PDS5B: variants seen among roughly 807,000 people sequenced by gnomAD.
PDS5B encodes the protein sister chromatid cohesion protein PDS5 homolog B.
Under a neutral mutation model 184.1 loss-of-function variants are expected in PDS5B, and 51 were observed. That is an observed-to-expected ratio of 0.28 (90% CI 0.22 to 0.35). The LOEUF (loss-of-function observed/expected upper bound fraction) is 0.35. Ranked by LOEUF, PDS5B falls within the 10% of genes least tolerant of loss-of-function variation. PDS5B has a pLI of 1.00. For synonymous variants in PDS5B, 566 were observed against 569.2 expected, an observed-to-expected ratio of 0.99 and a Z score of 0.08; for missense variants, 1,180 against 1,723.3, an observed-to-expected ratio of 0.68 and a Z score of 5.58.
intron 1 of PDS5B, among the ~76,000 whole-genome samples, chr13:32,638,171 A>T (rs2058594391): frequency 6.6e-6 from 1 of 152,212 alleles, no homozygotes; most frequent in Non-Finnish European, 1.5e-5. Context: ...CCATAGCAGA[A>T]TTCCAAGAGC....
intron 1 of PDS5B, among the ~76,000 whole-genome samples, chr13:32,602,907 TG>T: frequency 6.6e-6 from 1 of 152,366 alleles, no homozygotes; most frequent in South Asian, 2.1e-4. Flanking sequence ...GAGAAGTGTC[TG>T]TTCATATCCT....
chr13:32,758,647 T>C lies in PDS5B; in HGVS notation c.3303T>C (p.Pro1101=). 5 of 1,613,494 alleles carry C rather than the reference T, an allele frequency of 3.1e-6. No homozygotes were observed. Among genetic ancestry groups the C allele is most frequent in the Non-Finnish European group, 4.2e-6 (5 of 1,179,600 alleles). Residue 1101 remains proline (P), a synonymous_variant, in exon 28 of 35, where the codon CCT becomes CCC. Coordinates refer to ENST00000315596, the MANE Select transcript of PDS5B (RefSeq NM_015032.4). ...PVLPARFFTQ[P]DKNFSNTKNY... is the part of the protein sequence containing the mutation. ...TACCAGCTCGTTTCTTCACTCAACC[T>C]GACAAGGTAGTTACTTTACAATTTG...
At chr13:32,769,903 AAAGT>A (rs1358439440) in intron 31 of PDS5B, among the ~76,000 whole-genome samples, 1 of 152,194 alleles carries the variant, frequency 6.6e-6, no homozygotes, top group Non-Finnish European at 1.5e-5. Flanking sequence ...CTCTAGCTGA[AAAGT>A]AAGAGTGCAA....
intron 13 of PDS5B, chr13:32,688,966 C>G: frequency 5.1e-6 from 1 of 195,678 alleles, no homozygotes; most frequent in Non-Finnish European, 1.1e-5. Flanking sequence ...GAGCAGTAGG[C>G]TGCAGATTTT....
chr13:32,723,795 C>A (rs900986846), intron 19 of PDS5B, among the ~76,000 whole-genome samples: 3 of 152,092 alleles, frequency 2.0e-5, no homozygotes, highest in Admixed American at 6.6e-5. Context: ...GAATAATAAT[C>A]TTTTATTTCA....
At chr13:32,729,809 C>T (rs117339224) in intron 19 of PDS5B, among the ~76,000 whole-genome samples, 4,012 of 150,918 alleles carry the variant, frequency 0.027, 73 homozygotes, top group Non-Finnish European at 0.04. Context: ...CTTGTAAATT[C>T]GTTTAAGTTT....
At chr13:32,631,371 GCGTGAGC>G (rs1319635877) in intron 1 of PDS5B, among the ~76,000 whole-genome samples, 1 of 152,122 alleles carries the variant, frequency 6.6e-6, no homozygotes. Flanking sequence ...AGGATTACAG[GCGTGAGC>G]CGTGGCGCTC....
intron 1 of PDS5B, among the ~76,000 whole-genome samples, chr13:32,628,230 A>G (rs902602640): frequency 6.6e-6 from 1 of 152,158 alleles, no homozygotes; most frequent in Admixed American, 6.5e-5. Flanking sequence ...AATCATTTCT[A>G]TATTCCATTT....
intron 13 of PDS5B, among the ~76,000 whole-genome samples, chr13:32,692,624 T>C (rs1206476918): frequency 6.6e-6 from 1 of 151,760 alleles, no homozygotes; most frequent in Non-Finnish European, 1.5e-5. Flanking sequence ...ATTTAAAATG[T>C]CAGGTAACAA....
intron 20 of PDS5B, 115 bp downstream of exon 20, chr13:32,732,339 G>C (rs902095038): frequency 4.2e-6 from 3 of 713,664 alleles, no homozygotes; most frequent in Non-Finnish European, 7.1e-6. Context: ...TATATTTTCA[G>C]AATTTGAATC....
intron 5 of PDS5B, 117 bp from the exon 6 acceptor site, chr13:32,659,037 A>C (rs1302175694): frequency 3.5e-6 from 2 of 577,086 alleles, no homozygotes; most frequent in African/African-American, 3.9e-5. Context: ...TATACATAGA[A>C]TTTTATTTAA....
intron 19 of PDS5B, among the ~76,000 whole-genome samples, chr13:32,727,649 C>T (rs941103023): frequency 6.6e-6 from 1 of 152,080 alleles, no homozygotes; most frequent in Admixed American, 6.5e-5. Context: ...ATTGCAGATT[C>T]TGATGAAAAG....
chr13:32,750,965 A>G (rs1175284107), intron 24 of PDS5B, among the ~76,000 whole-genome samples: 3 of 152,016 alleles, frequency 2.0e-5, no homozygotes, highest in African/African-American at 7.2e-5. Context: ...TTAGGTGTAC[A>G]GATTATTTCA....
At chr13:32,619,080 G>A (rs948774951) in intron 1 of PDS5B, among the ~76,000 whole-genome samples, 3 of 152,114 alleles carry the variant, frequency 2.0e-5, no homozygotes, top group Non-Finnish European at 4.4e-5. Flanking sequence ...GTCTGGCAGG[G>A]CAAATACCCC....
chr13:32,759,769 AT>A, intron 29 of PDS5B, 79 bp downstream of exon 29: 1 of 655,130 alleles, frequency 1.5e-6, no homozygotes, highest in African/African-American at 1.8e-5. Context: ...GTTATTTTGT[AT>A]TTCTTCAAAA....
intron 1 of PDS5B, among the ~76,000 whole-genome samples, chr13:32,590,354 C>T (rs769336008): frequency 6.6e-6 from 1 of 152,136 alleles, no homozygotes; most frequent in Non-Finnish European, 1.5e-5. Flanking sequence ...GGATGATGCA[C>T]TAAACAGGAC....
At chr13:32,686,596 C>A (rs528974129) in intron 11 of PDS5B, among the ~76,000 whole-genome samples, 62 of 152,188 alleles carry the variant, frequency 4.1e-4, no homozygotes, top group Admixed American at 1.0e-3. Context: ...CCAGCCTGGG[C>A]AACATAGACC....
At chr13:32,663,872 C>T (rs1950716610) in intron 6 of PDS5B, among the ~76,000 whole-genome samples, 1 of 152,058 alleles carries the variant, frequency 6.6e-6, no homozygotes, top group Non-Finnish European at 1.5e-5. Context: ...GTCTCTTGTT[C>T]CCTCTCTGCC....
intron 7 of PDS5B, among the ~76,000 whole-genome samples, chr13:32,668,278 A>G (rs975483785): frequency 1.3e-5 from 2 of 152,194 alleles, no homozygotes; most frequent in Non-Finnish European, 2.9e-5. Flanking sequence ...GCAAGTATGA[A>G]TGGCAGTAGT....
Sources: allele counts gnomAD v4.1 joint callset (sites outside exome capture counted in the v4.1 genomes callset), GRCh38; gene constraint gnomAD v4.1.1; transcripts MANE v1.5; gene names NCBI Gene and HGNC (gene_info 2026-07-23, HGNC 2026-07-21).